The following NME7 variants were observed in gnomAD, a reference collection of about 807,000 sequenced individuals.
NME7 encodes NME/NM23 family member 7, also known as nucleoside diphosphate kinase 7.
In NME7, 41 loss-of-function variants were observed where a neutral mutation model predicts 49.1. The ratio of observed to expected loss-of-function variants is 0.83; its 90% CI spans 0.65 to 1.08. The LOEUF is 1.08. NME7 is among the 50% of genes least tolerant of loss of function. The pLI, the probability that NME7 is intolerant of heterozygous loss-of-function variation, is 0.00. For synonymous variants in NME7, 139 were observed against 150.6 expected, an observed-to-expected ratio of 0.92 and a Z score of 0.56; for missense variants, 423 against 463.4, an observed-to-expected ratio of 0.91 and a Z score of 0.80.
chr1:169,169,324 C>A (rs1659510142), intron 11 of NME7, 123 bp downstream of exon 11: 1 of 799,110 alleles, frequency 1.3e-6, no homozygotes, highest in Non-Finnish European at 2.0e-6. Context: ...ACTGCACTCT[C>A]TGCACATGTA....
chr1:169,272,084 A>G (rs1649510155), intron 7 of NME7, among the ~76,000 whole-genome samples: 1 of 132,288 alleles, frequency 7.6e-6, no homozygotes, highest in Non-Finnish European at 1.8e-5. Flanking sequence ...TTTTACAAAA[A>G]TTTCTTTGCC....
chr1:169,246,152 A>G (rs982065573), intron 7 of NME7, among the ~76,000 whole-genome samples: 1 of 152,096 alleles, frequency 6.6e-6, no homozygotes, highest in South Asian at 2.1e-4. Flanking sequence ...ATATGAAAAA[A>G]AAAATTAGCC....
intron 11 of NME7, among the ~76,000 whole-genome samples, chr1:169,143,822 C>A (rs572438489): frequency 1.5e-4 from 23 of 152,168 alleles, no homozygotes; most frequent in Non-Finnish European, 2.8e-4. Context: ...CCTTACTTCA[C>A]TCTAATTAGT....
intron 1 of NME7, among the ~76,000 whole-genome samples, chr1:169,337,267 G>A (rs927481352): frequency 5.9e-5 from 9 of 152,210 alleles, no homozygotes; most frequent in South Asian, 2.1e-4. Context: ...GCGCAGCGCC[G>A]GTGGGCTGGC....
chr1:169,304,020 T>C (rs1651078876), intron 4 of NME7, among the ~76,000 whole-genome samples: 1 of 152,104 alleles, frequency 6.6e-6, no homozygotes, highest in African/African-American at 2.4e-5. Flanking sequence ...GCCTGAGAAA[T>C]TATGTATCTT....
chr1:169,240,108 T>C (rs1022301533), intron 7 of NME7, among the ~76,000 whole-genome samples: 1 of 151,164 alleles, frequency 6.6e-6, no homozygotes, highest in East Asian at 1.9e-4. Flanking sequence ...AGTGGTAGTT[T>C]CTTAGCCTTT....
intron 10 of NME7, among the ~76,000 whole-genome samples, chr1:169,221,216 C>T (rs1490514661): frequency 1.3e-5 from 2 of 152,210 alleles, no homozygotes; most frequent in African/African-American, 4.8e-5. Flanking sequence ...TCACCATCAT[C>T]TTGTACCTGG....
At chr1:169,298,425 C>G (rs1650796860) in intron 6 of NME7, 131 bp downstream of exon 6, 2 of 863,004 alleles carry the variant, frequency 2.3e-6, no homozygotes, top group Admixed American at 4.9e-5. Context: ...GGCAAGATGT[C>G]AAAGGTTTTC....
intron 11 of NME7, among the ~76,000 whole-genome samples, chr1:169,153,879 T>A (rs972189051): frequency 1.4e-4 from 21 of 149,216 alleles, no homozygotes; most frequent in Non-Finnish European, 2.2e-4. Flanking sequence ...TTTTTTTTTT[T>A]TTATTTTTTG....
Position 169,367,646 on chromosome 1 carries a change from G to A in NME7, c.3+62C>T. Reference sequence around the variant, plus strand: ...AACTTTAAGTGCCCATCCGCCCGAAGACTTGGAAAGCTAAGTAAGTAGGAC... The same window carrying A: ...AACTTTAAGTGCCCATCCGCCCGAAAACTTGGAAAGCTAAGTAAGTAGGAC... On this transcript the variant is annotated intron_variant, in intron 1 of 11. Coordinates refer to ENST00000367811, the MANE Select transcript of NME7 (RefSeq NM_013330.5). The A allele has an allele frequency of 1.9e-6, 3 of 1,606,892 alleles. No homozygotes were observed. The South Asian group carries it at 3.3e-5, about 18-fold the overall frequency.
At chr1:169,319,709 AG>A (rs1273051682) in intron 3 of NME7, among the ~76,000 whole-genome samples, 9 of 152,146 alleles carry the variant, frequency 5.9e-5, no homozygotes, top group Non-Finnish European at 1.2e-4. Context: ...TCTGAAAAAC[AG>A]GGGGGTCTTC....
intron 10 of NME7, 46 bp downstream of exon 10, chr1:169,230,672 T>G (rs1277669332): frequency 7.7e-7 from 1 of 1,294,890 alleles, no homozygotes; most frequent in Non-Finnish European, 1.1e-6. Context: ...GTTAAAATAG[T>G]GAATAGATAA....
intron 1 of NME7, among the ~76,000 whole-genome samples, 167 bp from the exon 2 acceptor site, chr1:169,324,667 A>G (rs1210875780): frequency 6.6e-6 from 1 of 152,260 alleles, no homozygotes; most frequent in Non-Finnish European, 1.5e-5. Flanking sequence ...ACACACCCTC[A>G]GCAATATTTC....
At chr1:169,285,916 A>G (rs1310531858) in intron 7 of NME7, 1 of 152,186 alleles carries the variant, frequency 6.6e-6, no homozygotes, top group Admixed American at 6.5e-5. Context: ...CTAGGAAACT[A>G]GCCAGAGGAA....
chr1:169,160,156 T>C (rs1659203543), intron 11 of NME7, among the ~76,000 whole-genome samples: 1 of 152,170 alleles, frequency 6.6e-6, no homozygotes. Flanking sequence ...GTAGGTACCT[T>C]AGAAAAGCAT....
Position 169,237,629 on chromosome 1 carries a change from C to T in NME7, c.813G>A (p.Met271Ile). 6.2e-7 allele frequency: 1 copy of T among 1,608,682 alleles called. No homozygotes were observed. The highest frequency in any genetic ancestry group is 8.5e-7 in the Non-Finnish European group (1 of 1,175,958). Reference sequence around the variant, plus strand: ...TTCATTGTAAACTACCTACCATCTGCATAGCTGAGATTTCAAAACCTGCAT... The same window carrying T: ...TTCATTGTAAACTACCTACCATCTGTATAGCTGAGATTTCAAAACCTGCAT... ...IRDAGFEISA[M>I]QMFNMDRVNV... The change falls in exon 8 of 12, where the codon ATG (methionine) becomes ATA (isoleucine). Residue 271 changes from methionine to isoleucine, a missense_variant. Coordinates refer to ENST00000367811, the MANE Select transcript of NME7 (RefSeq NM_013330.5).
chr1:169,342,698 ATATATATATACAAGTACATATATATATAG>A (rs1652783951), intron 1 of NME7, among the ~76,000 whole-genome samples: 1 of 52,910 alleles, frequency 1.9e-5, no homozygotes, highest in African/African-American at 9.8e-5. Context: ...TATATATAGT[ATATATATATACAAGTACATATATATATAG>A]TATATATATA....
intron 11 of NME7, among the ~76,000 whole-genome samples, chr1:169,157,752 A>G (rs1009854053): frequency 2.0e-5 from 3 of 152,216 alleles, no homozygotes; most frequent in African/African-American, 7.2e-5. Context: ...TCCAACTGTC[A>G]GTTAAGTCCT....
chr1:169,215,575 CA>C (rs1052164505), intron 10 of NME7, among the ~76,000 whole-genome samples: 50 of 139,414 alleles, frequency 3.6e-4, no homozygotes, highest in African/African-American at 4.8e-4. Context: ...CAAAATGAAA[CA>C]AAAAAAAAAG....
Sources: gnomAD v4.1 joint callset for allele counts (sites outside exome capture counted in the v4.1 genomes callset) on GRCh38, gnomAD v4.1.1 for gene constraint, MANE v1.5 for transcripts, NCBI Gene and HGNC (gene_info 2026-07-23, HGNC 2026-07-21) for gene names.